The following ATAD1 variants were observed in gnomAD, a reference collection of about 807,000 sequenced individuals.
ATAD1 encodes ATPase family AAA domain containing 1.
A neutral mutation model predicts 42.7 loss-of-function variants in ATAD1; 18 were observed. That is an observed-to-expected ratio of 0.42 (90% CI 0.29 to 0.63). The LOEUF is 0.63. Among genes scored for constraint, ATAD1 ranks in the 20% least tolerant of loss-of-function variants. The pLI is 0.19. For synonymous variants in ATAD1, 132 were observed against 143.1 expected (o/e 0.92, Z 0.55); for missense variants, 294 against 440.4 (o/e 0.67, Z 2.98).
At chr10:87,787,702 C>G (rs953283961) in intron 4 of ATAD1, among the ~76,000 whole-genome samples, 2 of 152,184 alleles carry the variant, frequency 1.3e-5, no homozygotes, top group Non-Finnish European at 2.9e-5. Context: ...TTATTAGTGA[C>G]TATTTTTCTT....
At position 87,754,586 on chromosome 10, in the gene ATAD1, C is replaced by T; in HGVS notation, c.*101G>A. On this transcript the variant is annotated 3_prime_UTR_variant, in exon 10 of 10. Transcript: ENST00000680024. ...AGAGTATAAAACCATAAACACTGAG[C>T]TCCCTCATTGTTTAAAGAGCACTCT... 1 of 1,296,538 alleles carries T rather than the reference C, an allele frequency of 7.7e-7. No individual in the cohort carries two copies. The highest frequency in any genetic ancestry group is 1.0e-6 in the Non-Finnish European group (1 of 958,682). The allele number at this position is 1,296,538 out of a possible 1,614,324, so 80.3% of individuals were successfully genotyped here. A position where few individuals can be genotyped will look rare whatever the true frequency, so the allele number is the denominator to read the frequency against.
intron 3 of ATAD1, among the ~76,000 whole-genome samples, chr10:87,792,410 G>A (rs1170927070): frequency 6.6e-6 from 1 of 152,176 alleles, no homozygotes; most frequent in East Asian, 1.9e-4. Flanking sequence ...AGCACTGTGT[G>A]ACTCCACTTG....
intron 1 of ATAD1, among the ~76,000 whole-genome samples, chr10:87,829,069 A>T (rs955299231): frequency 3.3e-5 from 5 of 152,164 alleles, no homozygotes; most frequent in Admixed American, 1.3e-4. Context: ...CTAACACATC[A>T]TCCATTCTGC....
chr10:87,804,701 A>G lies in ATAD1; in HGVS notation c.162+9737T>C, dbSNP rs1856845379. ...GTCTAATTAATATGCTAAACAAAATACTGTATTTATAAATTCCCAAGACAG... is the reference window on the plus strand; with the variant it reads ...GTCTAATTAATATGCTAAACAAAATGCTGTATTTATAAATTCCCAAGACAG... On this transcript the variant is annotated intron_variant, in intron 2 of 9. Transcript: ENST00000680024. 3.3e-5 allele frequency among the ~76,000 whole-genome samples: 5 copies of G among 152,188 alleles called. No homozygotes were observed. In the South Asian group the frequency reaches 1.0e-3, roughly 32 times the overall value.
At chr10:87,808,525 G>T (rs1857033808) in intron 2 of ATAD1, among the ~76,000 whole-genome samples, 1 of 152,118 alleles carries the variant, frequency 6.6e-6, no homozygotes, top group African/African-American at 2.4e-5. Flanking sequence ...ACTCCAGCCT[G>T]GGCAACAGAG....
chr10:87,814,393 CT>C (rs1198275985), intron 2 of ATAD1, 44 bp downstream of exon 2: 2 of 1,508,282 alleles, frequency 1.3e-6, no homozygotes. Context: ...GGGGAAAATA[CT>C]TGTTAGCCAC....
chr10:87,802,618 G>T (rs1259865985), intron 2 of ATAD1, among the ~76,000 whole-genome samples: 1 of 150,442 alleles, frequency 6.6e-6, no homozygotes, highest in South Asian at 2.1e-4. Context: ...ACTCCAGCCT[G>T]GGTGACAGAG....
chr10:87,760,731 G>T (rs940556956), intron 8 of ATAD1, among the ~76,000 whole-genome samples: 4 of 151,734 alleles, frequency 2.6e-5, no homozygotes, highest in Admixed American at 6.6e-5. Context: ...TGGTCAGCTA[G>T]AATGTAGGAG....
intron 2 of ATAD1, among the ~76,000 whole-genome samples, chr10:87,806,657 C>T (rs1026387397): frequency 6.2e-4 from 95 of 152,138 alleles, no homozygotes; most frequent in African/African-American, 2.3e-3. Flanking sequence ...GTATTTCATT[C>T]ACTTTTCTCC....
intron 6 of ATAD1, 67 bp downstream of exon 6, chr10:87,776,254 G>A: frequency 8.3e-7 from 1 of 1,200,630 alleles, no homozygotes; most frequent in Non-Finnish European, 1.2e-6. Flanking sequence ...ATAGTAAGTA[G>A]CCCAGCAAAT....
intron 6 of ATAD1, among the ~76,000 whole-genome samples, chr10:87,772,370 C>T (rs917465378): frequency 3.9e-5 from 6 of 152,024 alleles, no homozygotes; most frequent in African/African-American, 1.4e-4. Flanking sequence ...CACTCAGCCT[C>T]CCAAAGTGCT....
At chr10:87,808,451 T>G (rs1018465626) in intron 2 of ATAD1, among the ~76,000 whole-genome samples, 1 of 152,158 alleles carries the variant, frequency 6.6e-6, no homozygotes, top group Non-Finnish European at 1.5e-5. Flanking sequence ...ATGCATTTTA[T>G]CAAGTTAAAG....
intron 8 of ATAD1, among the ~76,000 whole-genome samples, chr10:87,759,535 T>A (rs1854384307): frequency 6.6e-6 from 1 of 152,236 alleles, no homozygotes; most frequent in Admixed American, 6.5e-5. Flanking sequence ...CTTCCTCCTG[T>A]CTTTTGACCA....
chr10:87,755,242 C>T (rs1369580721), intron 9 of ATAD1, among the ~76,000 whole-genome samples: 1 of 152,152 alleles, frequency 6.6e-6, no homozygotes, highest in Non-Finnish European at 1.5e-5. Context: ...TATATACTTA[C>T]ATGCATGTTT....
chr10:87,774,918 G>A (rs1855220843), intron 6 of ATAD1, among the ~76,000 whole-genome samples: 1 of 152,068 alleles, frequency 6.6e-6, no homozygotes, highest in Admixed American at 6.5e-5. Flanking sequence ...TCACGCCACT[G>A]CATTCCAACC....
intron 4 of ATAD1, among the ~76,000 whole-genome samples, chr10:87,785,972 G>A (rs1042846169): frequency 1.3e-5 from 2 of 152,084 alleles, no homozygotes; most frequent in Non-Finnish European, 2.9e-5. Flanking sequence ...CATGTTAATT[G>A]TATTTTCAAG....
intron 8 of ATAD1, among the ~76,000 whole-genome samples, chr10:87,763,164 T>C (rs1717543429): frequency 6.7e-6 from 1 of 149,860 alleles, no homozygotes. Flanking sequence ...CTAAAAAACA[T>C]GGAGAATTTT....
intron 7 of ATAD1, among the ~76,000 whole-genome samples, chr10:87,768,056 T>C (rs1854847921): frequency 6.6e-6 from 1 of 152,206 alleles, no homozygotes; most frequent in Admixed American, 6.5e-5. Flanking sequence ...TTTCCCTTCA[T>C]GCAGGAAACT....
intron 1 of ATAD1, among the ~76,000 whole-genome samples, chr10:87,833,979 G>C (rs2132114662): frequency 6.6e-6 from 1 of 152,196 alleles, no homozygotes; most frequent in Admixed American, 6.5e-5. Flanking sequence ...GCCTCCCAAA[G>C]TGCTGGGATT....
Sources: allele counts gnomAD v4.1 joint callset (sites outside exome capture counted in the v4.1 genomes callset), GRCh38; gene constraint gnomAD v4.1.1; transcripts MANE v1.5; gene names NCBI Gene and HGNC (gene_info 2026-07-23, HGNC 2026-07-21).